The following TBC1D24 variants were observed in gnomAD, a reference collection of about 807,000 sequenced individuals.
TBC1D24 encodes Infantile myoclonic epilepsy.
Under a neutral mutation model 50.7 loss-of-function variants are expected in TBC1D24, and 47 were observed. The ratio of observed to expected loss-of-function variants is 0.93; its 90% CI spans 0.73 to 1.18. The LOEUF (loss-of-function observed/expected upper bound fraction) is 1.18. Among genes scored for constraint, TBC1D24 ranks in the 50% most tolerant of loss-of-function variants. The pLI is 0.00. For synonymous variants in TBC1D24, 324 were observed against 335.2 expected (o/e 0.97, Z 0.36); for missense variants, 688 against 766.5 (o/e 0.90, Z 1.21).
chr16:2,493,264 G>A lies in TBC1D24; in HGVS notation c.-115-2770G>A, dbSNP rs188102154. 2.5e-3 allele frequency among the ~76,000 whole-genome samples: 373 copies of A among 151,492 alleles called. 5 individuals are homozygous for A. Among genetic ancestry groups the A allele is most frequent in the Non-Finnish European group, 1.1e-3 (75 of 67,834 alleles). On this transcript the variant is annotated intron_variant, in intron 1 of 7. Coordinates refer to ENST00000646147, the MANE Select transcript of TBC1D24 (RefSeq NM_001199107.2). ...CGTCATTCTCCTGCCTCAGCCTCCC[G>A]AGTAGCTGGTACTACAGGCTCCCGC... is the stretch of plus-strand genomic sequence containing the variant.
Position 2,500,247 on chromosome 16 carries a change from C to T in TBC1D24, c.1303-21C>T. ...CCTGCGAACGCCCGCGCCAGCTCCT[C>T]ACACTCCCCTTCCACCCCAGCTGCA... On this transcript the variant is annotated intron_variant, in intron 6 of 7. Coordinates refer to ENST00000646147, the MANE Select transcript of TBC1D24 (RefSeq NM_001199107.2). This position sits in a 1 kb window ranked among gnomAD's most constrained non-coding sequence, Gnocchi z 8.0. 1 of 1,580,184 alleles carries T rather than the reference C, an allele frequency of 6.3e-7. No individual in the cohort carries two copies. The highest frequency in any genetic ancestry group is 8.6e-7 in the Non-Finnish European group (1 of 1,161,850).
At position 2,487,236 on chromosome 16, in the gene TBC1D24, C is replaced by T. The variant is rs2065657901; in HGVS notation, c.-115-8798C>T. ...GGCACAGCCCTGCCCGTGGGGTTCC[C>T]CTAGCACTTCCCCAGCTGCCGTGGT... On this transcript the variant is annotated intron_variant, in intron 1 of 7. Coordinates refer to ENST00000646147, the MANE Select transcript of TBC1D24 (RefSeq NM_001199107.2). The surrounding 1 kb of genome is among the most constrained non-coding windows in gnomAD (Gnocchi z 4.1). 6.6e-6 allele frequency among the ~76,000 whole-genome samples: 1 copy of T among 152,202 alleles called. No homozygotes were observed. Among genetic ancestry groups the T allele is most frequent in the Non-Finnish European group, 1.5e-5 (1 of 68,032 alleles).
rs1303419577 is a variant in TBC1D24 at position 2,487,683 on chromosome 16, C to T, written c.-115-8351C>T. ...TGGAGTTTGGTGCTGGAGTTTGGTG[C>T]TGGAGTTTGGTGCTGGAGTTTGGTG... On this transcript the variant is annotated intron_variant, in intron 1 of 7. Transcript: ENST00000646147. The surrounding 1 kb of genome is among the most constrained non-coding windows in gnomAD (Gnocchi z 4.1). 6.7e-6 allele frequency among the ~76,000 whole-genome samples: 1 copy of T among 150,286 alleles called. No individual in the cohort carries two copies. Among genetic ancestry groups the T allele is most frequent in the African/African-American group, 2.4e-5 (1 of 41,156 alleles).
At chr16:2,493,431 G>A (rs183577330) in intron 1 of TBC1D24, among the ~76,000 whole-genome samples, 2 of 152,234 alleles carry the variant, frequency 1.3e-5, no homozygotes, top group East Asian at 1.9e-4. Context: ...GAGCCACCGC[G>A]TCCGGCCTAA....
chr16:2,475,334 C>T lies in TBC1D24; in HGVS notation c.-116+164C>T, dbSNP rs1030163204. Among the ~76,000 whole-genome samples, 10 of 150,874 alleles carry T rather than the reference C, an allele frequency of 6.6e-5. No homozygotes were observed. The highest frequency in any genetic ancestry group is 2.4e-4 in the African/African-American group (10 of 41,270). On this transcript the variant is annotated intron_variant, in intron 1 of 7. Transcript: ENST00000646147. This position sits in a 1 kb window ranked among gnomAD's most constrained non-coding sequence, Gnocchi z 4.2. ...TCCCCGGCCACGCGCGGGTTGGGGG[C>T]TCCAGAGCCCGGCACCGCCCGGCGC...
Position 2,500,589 on chromosome 16 carries a change from G to A in TBC1D24, c.1525+99G>A, listed in dbSNP as rs956266227. 120 of 1,379,228 alleles carry A rather than the reference G, an allele frequency of 8.7e-5. 1 individual carries two copies. Among genetic ancestry groups the A allele is most frequent in the African/African-American group, 7.6e-4 (53 of 70,042 alleles). 85.4% of individuals were successfully genotyped at this position (1,379,228 alleles called of 1,614,324 possible). A position where few individuals can be genotyped will look rare whatever the true frequency, so the allele number is the denominator to read the frequency against. ...CCCTGACCGGGGTGGCAGAGAAGAG[G>A]CCCTGGGTGTCAGGGTGGACCAGGC... On this transcript the variant is annotated intron_variant, in intron 7 of 7. Coordinates refer to ENST00000646147, the MANE Select transcript of TBC1D24 (RefSeq NM_001199107.2). This position sits in a 1 kb window ranked among gnomAD's most constrained non-coding sequence, Gnocchi z 8.0.
chr16:2,485,704 T>C lies in TBC1D24; in HGVS notation c.-115-10330T>C, dbSNP rs2065643854. ...GGTAGATGTCTCCCGGTGTCGGGAT[T>C]GAATTGGAGGACACCCTGCGGGCGC... On this transcript the variant is annotated intron_variant, in intron 1 of 7. Coordinates refer to ENST00000646147, the MANE Select transcript of TBC1D24 (RefSeq NM_001199107.2). This position sits in a 1 kb window ranked among gnomAD's most constrained non-coding sequence, Gnocchi z 4.6. Among the ~76,000 whole-genome samples, 1 of 152,152 alleles carries C rather than the reference T, an allele frequency of 6.6e-6. No individual in the cohort carries two copies. Among genetic ancestry groups the C allele is most frequent in the Non-Finnish European group, 1.5e-5 (1 of 68,022 alleles).
Position 2,497,728 on chromosome 16 carries a change from G to C in TBC1D24, c.983+1G>C, listed in dbSNP as rs2141873582. 6.5e-7 allele frequency: 1 copy of C among 1,536,104 alleles called. No individual in the cohort carries two copies. The highest frequency in any genetic ancestry group is 1.4e-5 in the African/African-American group (1 of 73,150). On this transcript the variant is annotated splice_donor_variant, in intron 3 of 7. Coordinates refer to ENST00000646147, the MANE Select transcript of TBC1D24 (RefSeq NM_001199107.2). LOFTEE classifies it high-confidence loss of function. ...TTTTCAGTGTGTCACTTTCTAAAAGGTAGGTCTGAAACTGTATCTGCACAC... is the reference window on the plus strand; with the variant it reads ...TTTTCAGTGTGTCACTTTCTAAAAGCTAGGTCTGAAACTGTATCTGCACAC...
chr16:2,498,199 A>T, intron 3 of TBC1D24, 39 bp from the exon 4 acceptor site: 1 of 1,562,972 alleles, frequency 6.4e-7, no homozygotes, highest in Non-Finnish European at 8.7e-7. Context: ...CTGGCCCCAG[A>T]CGTGCCTTCG....
chr16:2,493,436 G>C (rs1294356955), intron 1 of TBC1D24, among the ~76,000 whole-genome samples: 2 of 152,166 alleles, frequency 1.3e-5, no homozygotes, highest in African/African-American at 4.8e-5. Flanking sequence ...ACCGCGTCCG[G>C]CCTAACATGG....
In TBC1D24 at chr16:2,499,824, CT is replaced by C; in HGVS notation, c.1207-8del. 6.2e-7 allele frequency: 1 copy of C among 1,613,162 alleles called. No homozygotes were observed. Among genetic ancestry groups the C allele is most frequent in the African/African-American group, 1.3e-5 (1 of 75,028 alleles). On this transcript the variant is annotated splice_polypyrimidine_tract_variant and intron_variant, in intron 5 of 7. Transcript: ENST00000646147. This position sits in a 1 kb window ranked among gnomAD's most constrained non-coding sequence, Gnocchi z 4.0. ...CCTGCGGGCACAGCCTCACCCAGACCTTTCCCCCAGGTGTGTGGTGCTTACC... is the reference window on the plus strand; with the variant it reads ...CCTGCGGGCACAGCCTCACCCAGACCTTCCCCCAGGTGTGTGGTGCTTACC...
intron 2 of TBC1D24, 140 bp from the exon 3 acceptor site, chr16:2,497,570 G>A (rs1218451433): frequency 3.7e-6 from 3 of 813,722 alleles, no homozygotes; most frequent in Non-Finnish European, 6.1e-6. Flanking sequence ...CTGTGATGGT[G>A]CCACGCTGCG....
intron 1 of TBC1D24, chr16:2,476,812 T>C (rs1210415725): frequency 6.6e-6 from 1 of 152,242 alleles, no homozygotes; most frequent in Non-Finnish European, 1.5e-5. Flanking sequence ...AAGGTTTTCA[T>C]AACAACAATA....
rs2141855861 is a variant in TBC1D24, at chr16:2,483,462, G to C, written c.-116+8292G>C. 1 of 152,662 alleles carries C rather than the reference G, an allele frequency of 6.6e-6. No individual in the cohort carries two copies. The highest frequency in any genetic ancestry group is 2.4e-5 in the African/African-American group (1 of 41,574). The allele number at this position is 152,662 out of a possible 1,614,324, so 9.5% of individuals were successfully genotyped here. ...GAGAGAAAAGCCAGAGTGGCTGGTG[G>C]ATGCGGGGAGTCACAGCTCCGAGTG... On this transcript the variant is annotated intron_variant, in intron 1 of 7. Transcript: ENST00000646147. The surrounding 1 kb of genome is among the most constrained non-coding windows in gnomAD (Gnocchi z 4.0).
At position 2,499,474 on chromosome 16, in the gene TBC1D24, C is replaced by T. The variant is rs2065772285; in HGVS notation, c.1206+54C>T. ...GCTCTGATGGGCTCCAGGGCTGGCT[C>T]TGATGGGCTCCAGGGCTGGCTCTGA... On this transcript the variant is annotated intron_variant, in intron 5 of 7. Transcript: ENST00000646147. This position sits in a 1 kb window ranked among gnomAD's most constrained non-coding sequence, Gnocchi z 4.0. 2 of 1,526,912 alleles carry T rather than the reference C, an allele frequency of 1.3e-6. No individual in the cohort carries two copies. The highest frequency in any genetic ancestry group is 1.8e-6 in the Non-Finnish European group (2 of 1,108,092). The allele number at this position is 1,526,912 out of a possible 1,614,324, so 94.6% of individuals were successfully genotyped here. A position where few individuals can be genotyped will look rare whatever the true frequency, so the allele number is the denominator to read the frequency against.
rs1429652495 is a variant in TBC1D24 at position 2,487,662 on chromosome 16, G to C, written c.-115-8372G>C. Among the ~76,000 whole-genome samples, 2 of 151,970 alleles carry C rather than the reference G, an allele frequency of 1.3e-5. No homozygotes were observed. Among genetic ancestry groups the C allele is most frequent in the East Asian group, 3.9e-4 (2 of 5,190 alleles). Reference sequence around the variant, plus strand: ...TTTGGTGTTGGAGTTTGGTGCTGGAGTTTGGTGCTGGAGTTTGGTGCTGGA... The same window carrying C: ...TTTGGTGTTGGAGTTTGGTGCTGGACTTTGGTGCTGGAGTTTGGTGCTGGA... On this transcript the variant is annotated intron_variant, in intron 1 of 7. Transcript: ENST00000646147. The surrounding 1 kb of genome is among the most constrained non-coding windows in gnomAD (Gnocchi z 4.1).
In TBC1D24 at chr16:2,500,053, C is replaced by T. The variant is rs746481247; in HGVS notation, c.1302+123C>T. 2.7e-5 allele frequency: 27 copies of T among 1,013,256 alleles called. No individual in the cohort carries two copies. Among genetic ancestry groups the T allele is most frequent in the Non-Finnish European group, 4.1e-5 (26 of 640,318 alleles). 62.8% of individuals were successfully genotyped at this position (1,013,256 alleles called of 1,614,324 possible). On this transcript the variant is annotated intron_variant, in intron 6 of 7. Transcript: ENST00000646147. The surrounding 1 kb of genome is among the most constrained non-coding windows in gnomAD (Gnocchi z 8.0). ...CATGGCAGTCACCCAGCAGCGTCAT[C>T]GCCCTGTGTGCTTCCGGGTTTGATC...
rs779494715 is a variant in TBC1D24 at position 2,500,711 on chromosome 16, C to T, written c.1526-93C>T. On this transcript the variant is annotated intron_variant, in intron 7 of 7. Coordinates refer to ENST00000646147, the MANE Select transcript of TBC1D24 (RefSeq NM_001199107.2). The surrounding 1 kb of genome is among the most constrained non-coding windows in gnomAD (Gnocchi z 8.0). ...ACGGTCTGTGCGGTTTCAGAGAGGC[C>T]CGTGCAGGGCAGGACAGCTGGGACA... 6.7e-7 allele frequency: 1 copy of T among 1,489,436 alleles called. No homozygotes were observed. The highest frequency in any genetic ancestry group is 9.0e-7 in the Non-Finnish European group (1 of 1,114,710). The allele number at this position is 1,489,436 out of a possible 1,614,324, so 92.3% of individuals were successfully genotyped here.
At position 2,500,503 on chromosome 16, in the gene TBC1D24, A is replaced by G; in HGVS notation, c.1525+13A>G. On this transcript the variant is annotated intron_variant, in intron 7 of 7. Coordinates refer to ENST00000646147, the MANE Select transcript of TBC1D24 (RefSeq NM_001199107.2). This position sits in a 1 kb window ranked among gnomAD's most constrained non-coding sequence, Gnocchi z 8.0. ...TGCCTCATCGTCGGTGAGCGCCAGC[A>G]GACGGGGCTCTGGGATGAGGGTGTG... The G allele has an allele frequency of 6.5e-7, 1 of 1,549,844 alleles. No individual in the cohort carries two copies. The highest frequency in any genetic ancestry group is 8.7e-7 in the Non-Finnish European group (1 of 1,148,252).
Sources: allele counts gnomAD v4.1 joint callset (sites outside exome capture counted in the v4.1 genomes callset), GRCh38; gene constraint gnomAD v4.1.1; non-coding constraint Gnocchi (gnomAD v3.1); transcripts MANE v1.5; gene names NCBI Gene and HGNC (gene_info 2026-07-23, HGNC 2026-07-21).